Variants in PREX2 observed in about 807,000 individuals in gnomAD.
PREX2 encodes the protein phosphatidylinositol 3,4,5-trisphosphate-dependent Rac exchanger 2 protein.
Under a neutral mutation model 203.2 loss-of-function variants are expected in PREX2, and 107 were observed. The observed-to-expected ratio is 0.53, with a 90% CI of 0.45 to 0.62. PREX2 has a LOEUF of 0.62. Ranked by LOEUF, PREX2 falls within the 20% of genes least tolerant of loss-of-function variation. The pLI, the probability that PREX2 is intolerant of heterozygous loss-of-function variation, is 0.00. For missense variants in PREX2, 1,777 were observed against 1,955.9 expected (o/e 0.91, Z 1.72); for synonymous variants, 672 against 663.6 (o/e 1.01, Z -0.19).
At chr8:68,072,746 C>CAA (rs529351460) in intron 14 of PREX2, among the ~76,000 whole-genome samples, 176 bp downstream of exon 14, 40 of 152,282 alleles carry the variant, frequency 2.6e-4, no homozygotes, top group Middle Eastern at 3.4e-3. Context: ...TTAGAGTCCT[C>CAA]AAACTTCACT....
At chr8:68,024,926 G>A (rs1431636731) in intron 4 of PREX2, among the ~76,000 whole-genome samples, 2 of 151,822 alleles carry the variant, frequency 1.3e-5, no homozygotes, top group South Asian at 2.1e-4. Context: ...TATTTCCTGA[G>A]TAGAAATGGA....
chr8:67,971,729 A>T (rs1207222692), intron 1 of PREX2, among the ~76,000 whole-genome samples: 2 of 152,190 alleles, frequency 1.3e-5, no homozygotes. Flanking sequence ...AGTAATGAGA[A>T]ATACTGTTAG....
chr8:68,053,743 G>A (rs1023673026), intron 9 of PREX2, among the ~76,000 whole-genome samples: 2 of 152,100 alleles, frequency 1.3e-5, no homozygotes, highest in Admixed American at 1.3e-4. Flanking sequence ...ATAGATTAAA[G>A]CACTTTGGAT....
chr8:68,083,638 G>C (rs868023382), intron 18 of PREX2, among the ~76,000 whole-genome samples: 2 of 152,178 alleles, frequency 1.3e-5, no homozygotes, highest in African/African-American at 4.8e-5. Context: ...ACATTTTCCT[G>C]GTCTGGGTTG....
At chr8:68,163,731 G>T (rs1811697527) in intron 35 of PREX2, among the ~76,000 whole-genome samples, 1 of 152,180 alleles carries the variant, frequency 6.6e-6, no homozygotes, top group Admixed American at 6.6e-5. Context: ...GAAACACCAT[G>T]GGACCAGGCC....
chr8:68,036,183 C>G (rs776666177), intron 6 of PREX2, among the ~76,000 whole-genome samples: 2 of 151,964 alleles, frequency 1.3e-5, no homozygotes, highest in African/African-American at 4.8e-5. Context: ...AAAAGTCAAA[C>G]GAACGAACAG....
intron 25 of PREX2, 111 bp downstream of exon 25, chr8:68,109,734 G>A: frequency 1.1e-6 from 1 of 876,940 alleles, no homozygotes; most frequent in Non-Finnish European, 1.8e-6. Context: ...TAGGAGATTT[G>A]TGCTGATTAT....
chr8:68,088,500 T>G (rs953457445), intron 19 of PREX2, among the ~76,000 whole-genome samples: 1 of 152,218 alleles, frequency 6.6e-6, no homozygotes, highest in Non-Finnish European at 1.5e-5. Flanking sequence ...ACATGCTTTT[T>G]ATTACTAAAG....
chr8:68,204,340 T>C (rs1812567294), intron 37 of PREX2, among the ~76,000 whole-genome samples: 2 of 152,216 alleles, frequency 1.3e-5, no homozygotes, highest in Admixed American at 1.3e-4. Context: ...TGGAATGTTT[T>C]TGCTTGGCAG....
At chr8:68,230,564 G>T (rs1171657747) in intron 39 of PREX2, among the ~76,000 whole-genome samples, 2 of 152,132 alleles carry the variant, frequency 1.3e-5, no homozygotes, top group South Asian at 2.1e-4. Context: ...CTTTGGTTCT[G>T]CTGTTATCAT....
Position 68,232,235 on chromosome 8 carries a change from A to G in PREX2, c.*857A>G, listed in dbSNP as rs1010330456. 2.0e-5 allele frequency: 3 copies of G among 152,196 alleles called. No individual in the cohort carries two copies. The highest frequency in any genetic ancestry group is 7.2e-5 in the African/African-American group (3 of 41,462). 9.4% of individuals were successfully genotyped at this position (152,196 alleles called of 1,614,324 possible). A position where few individuals can be genotyped will look rare whatever the true frequency, so the allele number is the denominator to read the frequency against. On this transcript the variant is annotated 3_prime_UTR_variant, in exon 40 of 40. Transcript: ENST00000288368. Reference sequence around the variant, plus strand: ...TTTTAAAACTAAACCTTTAAGTTAGATACCTAAAACTCTTAATTTTATGAA... The same window carrying G: ...TTTTAAAACTAAACCTTTAAGTTAGGTACCTAAAACTCTTAATTTTATGAA...
chr8:68,079,478 C>T (rs1809447926), intron 15 of PREX2, among the ~76,000 whole-genome samples: 1 of 152,110 alleles, frequency 6.6e-6, no homozygotes, highest in African/African-American at 2.4e-5. Flanking sequence ...GAAACTGAAA[C>T]TCAGAGGGAT....
At chr8:68,197,897 A>G (rs1393443885) in intron 37 of PREX2, among the ~76,000 whole-genome samples, 1 of 151,630 alleles carries the variant, frequency 6.6e-6, no homozygotes, top group Non-Finnish European at 1.5e-5. Context: ...TTTATACCAC[A>G]GTTAACTGAA....
At chr8:68,120,788 A>G in intron 29 of PREX2, 133 bp from the exon 30 acceptor site, 2 of 698,258 alleles carry the variant, frequency 2.9e-6, no homozygotes, top group Non-Finnish European at 4.6e-6. Context: ...GGATTTTCTG[A>G]TGGTGTGGCA....
chr8:68,212,231 C>T (rs11781873), intron 37 of PREX2, among the ~76,000 whole-genome samples: 3,956 of 152,298 alleles, frequency 0.026, 55 homozygotes, highest in African/African-American at 0.033. Context: ...TTCCCCAAAA[C>T]AGTACCTCCT....
chr8:68,035,581 C>T (rs1808003960), intron 6 of PREX2, among the ~76,000 whole-genome samples: 2 of 131,338 alleles, frequency 1.5e-5, no homozygotes, highest in Non-Finnish European at 3.0e-5. Context: ...GGTGGGTGTT[C>T]TTCAGAGTTT....
At chr8:67,987,968 C>T (rs1806485765) in intron 1 of PREX2, among the ~76,000 whole-genome samples, 1 of 151,902 alleles carries the variant, frequency 6.6e-6, no homozygotes, top group South Asian at 2.1e-4. Flanking sequence ...AGTGTCTTTG[C>T]AGTCCCCATA....
At chr8:68,105,176 G>T in intron 23 of PREX2, 1 of 1,367,584 alleles carries the variant, frequency 7.3e-7, no homozygotes, top group Non-Finnish European at 9.8e-7. Flanking sequence ...TCACAGCACG[G>T]CATGCTGTCT....
chr8:68,191,557 T>A (rs1373480784), intron 35 of PREX2, among the ~76,000 whole-genome samples, 165 bp from the exon 36 acceptor site: 1 of 152,244 alleles, frequency 6.6e-6, no homozygotes, highest in Non-Finnish European at 1.5e-5. Flanking sequence ...TCCATCTTTT[T>A]AAAATGGAAA....
Sources: gnomAD v4.1 joint callset for allele counts (sites outside exome capture counted in the v4.1 genomes callset) on GRCh38, gnomAD v4.1.1 for gene constraint, MANE v1.5 for transcripts, NCBI Gene and HGNC (gene_info 2026-07-23, HGNC 2026-07-21) for gene names.